The following LMBR1 variants were observed in gnomAD, a reference collection of about 807,000 sequenced individuals.
LMBR1 encodes the protein limb region 1 protein homolog.
Under a neutral mutation model 73.9 loss-of-function variants are expected in LMBR1, and 52 were observed. That is an observed-to-expected ratio of 0.70 (90% CI 0.56 to 0.89). The LOEUF (loss-of-function observed/expected upper bound fraction) is 0.89, where lower values mean the gene tolerates loss of function less well. LMBR1 is among the 40% of genes least tolerant of loss of function. The probability of loss-of-function intolerance (pLI) is 0.00; values close to 1 mark genes in which losing one functional copy is unlikely to be tolerated. For missense variants in LMBR1, 539 were observed against 579.8 expected, an observed-to-expected ratio of 0.93 and a Z score of 0.72; for synonymous variants, 215 against 209.4, an observed-to-expected ratio of 1.03 and a Z score of -0.23.
intron 9 of LMBR1, among the ~76,000 whole-genome samples, chr7:156,738,565 T>G (rs1054275328): frequency 2.0e-5 from 3 of 152,168 alleles, no homozygotes; most frequent in Non-Finnish European, 4.4e-5. Flanking sequence ...GGAAAGTGAC[T>G]CCTTCCTTCT....
intron 1 of LMBR1, among the ~76,000 whole-genome samples, chr7:156,867,471 C>G (rs1273219648): frequency 6.6e-6 from 1 of 152,174 alleles, no homozygotes; most frequent in East Asian, 1.9e-4. Flanking sequence ...ATGTTCACAG[C>G]AGCATTTTCA....
At chr7:156,890,779 T>C (rs764830808) in intron 1 of LMBR1, among the ~76,000 whole-genome samples, 8 of 152,232 alleles carry the variant, frequency 5.3e-5, no homozygotes, top group Admixed American at 1.3e-4. Context: ...CTTTGGAAAA[T>C]TGTTTTAAAG....
intron 8 of LMBR1, among the ~76,000 whole-genome samples, chr7:156,759,495 A>C (rs890335336): frequency 5.3e-5 from 8 of 152,234 alleles, no homozygotes; most frequent in African/African-American, 1.9e-4. Flanking sequence ...TAAAATAAGA[A>C]TACTACTATC....
chr7:156,820,737 C>T (rs1198674639), intron 4 of LMBR1, among the ~76,000 whole-genome samples: 1 of 152,152 alleles, frequency 6.6e-6, no homozygotes, highest in African/African-American at 2.4e-5. Flanking sequence ...GCGTGTGTTG[C>T]TCCAGCTGGT....
chr7:156,676,138 A>G, downstream of LMBR1: 1 of 957,644 alleles, frequency 1.0e-6, no homozygotes, highest in Non-Finnish European at 1.5e-6. Flanking sequence ...GTGACGGCAA[A>G]GGTCCCTTCA....
rs184211318 is a variant in LMBR1, at chr7:156,795,374, C to T, written c.423+1015G>A. On this transcript the variant is annotated intron_variant, in intron 5 of 16. Transcript: ENST00000353442. ...CTTGAAGGCCAGAGGCCCATCTTTTCATCTGTGTCCCCAGCAAGCTCCTAT... is the reference window on the plus strand; with the variant it reads ...CTTGAAGGCCAGAGGCCCATCTTTTTATCTGTGTCCCCAGCAAGCTCCTAT... 4.2e-4 allele frequency among the ~76,000 whole-genome samples: 64 copies of T among 152,328 alleles called. 1 individual carries two copies. The highest frequency in any genetic ancestry group is 4.6e-4 in the Admixed American group (7 of 15,294).
rs189697962 is a variant in LMBR1 at position 156,707,396 on chromosome 7, A to G, written c.1225+16716T>C. Among the ~76,000 whole-genome samples, 402 of 152,324 alleles carry G rather than the reference A, an allele frequency of 2.6e-3. 3 individuals are homozygous for G. The highest frequency in any genetic ancestry group is 9.2e-3 in the African/African-American group (381 of 41,570). ...TCCTAAGTCATTCTATGAGGCCCAA[A>G]TCACTCTGATACCCAAACAGACAAG... On this transcript the variant is annotated intron_variant, in intron 15 of 16. Transcript: ENST00000353442.
chr7:156,700,924 G>A (rs978721348), intron 15 of LMBR1, among the ~76,000 whole-genome samples: 3 of 152,188 alleles, frequency 2.0e-5, no homozygotes, highest in East Asian at 1.9e-4. Context: ...GGCTGGGGAG[G>A]CCTCACAATC....
intron 1 of LMBR1, among the ~76,000 whole-genome samples, chr7:156,855,666 C>CAAAAAAAAAAAA (rs35231167): frequency 3.4e-5 from 3 of 87,292 alleles, no homozygotes; most frequent in African/African-American, 4.5e-5. Flanking sequence ...AACGTAAATA[C>CAAAAAAAAAAAA]AAAAAAAAAA....
chr7:156,849,844 T>G (rs1042089317), intron 1 of LMBR1, among the ~76,000 whole-genome samples: 2 of 152,166 alleles, frequency 1.3e-5, no homozygotes, highest in African/African-American at 4.8e-5. Flanking sequence ...TAAGTCATGA[T>G]GTTCAACCCA....
chr7:156,816,751 T>G (rs1833977623), intron 4 of LMBR1, among the ~76,000 whole-genome samples: 2 of 152,170 alleles, frequency 1.3e-5, no homozygotes, highest in African/African-American at 4.8e-5. Flanking sequence ...TAAGTAGTAA[T>G]TACATTCTTG....
intron 1 of LMBR1, among the ~76,000 whole-genome samples, chr7:156,887,711 G>C (rs1246413560): frequency 6.6e-6 from 1 of 152,082 alleles, no homozygotes; most frequent in Non-Finnish European, 1.5e-5. Context: ...AAGGACACTA[G>C]CAATAGAGTA....
In LMBR1 at chr7:156,681,305, C is replaced by T. The variant is rs886062111; in HGVS notation, c.*2773G>A. 13 of 376,700 alleles carry T rather than the reference C, an allele frequency of 3.5e-5. No individual in the cohort carries two copies. The highest frequency in any genetic ancestry group is 1.5e-4 in the African/African-American group (7 of 46,256). The allele number at this position is 376,700 out of a possible 1,614,324, so 23.3% of individuals were successfully genotyped here. On this transcript the variant is annotated 3_prime_UTR_variant, in exon 17 of 17. Transcript: ENST00000353442. ...GCCTTTAACACATCTGAGAGCAAAACGCGAGAGGCTCCGTCCATCTCTACT... is the reference window on the plus strand; with the variant it reads ...GCCTTTAACACATCTGAGAGCAAAATGCGAGAGGCTCCGTCCATCTCTACT...
At chr7:156,826,923 A>G (rs1209856203) in intron 3 of LMBR1, among the ~76,000 whole-genome samples, 179 bp from the exon 4 acceptor site, 1 of 152,226 alleles carries the variant, frequency 6.6e-6, no homozygotes, top group East Asian at 1.9e-4. Context: ...GTTAAACTAG[A>G]TAAACTCTAA....
chr7:156,686,795 T>A (rs1179734633), intron 16 of LMBR1, among the ~76,000 whole-genome samples: 1 of 152,236 alleles, frequency 6.6e-6, no homozygotes, highest in East Asian at 1.9e-4. Flanking sequence ...TCTGAAACCA[T>A]GGCTAACTAA....
chr7:156,678,743 A>G lies in LMBR1; in HGVS notation c.*5335T>C, dbSNP rs971117650. On this transcript the variant is annotated 3_prime_UTR_variant, in exon 17 of 17. Transcript: ENST00000353442. The stretch of plus-strand genomic sequence containing the variant: ...GATGTGGCCATTCCTCCCTTATTTT[A>G]ACAGGTTGGAACCCACTTGTCTGAC... The G allele has an allele frequency of 6.6e-6, 1 of 152,080 alleles. No homozygotes were observed. Among genetic ancestry groups the G allele is most frequent in the African/African-American group, 2.4e-5 (1 of 41,412 alleles). The allele number at this position is 152,080 out of a possible 1,614,324, so 9.4% of individuals were successfully genotyped here. A position where few individuals can be genotyped will look rare whatever the true frequency, so the allele number is the denominator to read the frequency against.
intron 15 of LMBR1, among the ~76,000 whole-genome samples, chr7:156,696,306 A>C (rs143681956): frequency 1.0e-3 from 157 of 152,366 alleles, no homozygotes; most frequent in Non-Finnish European, 1.9e-3. Flanking sequence ...TTTACACGTC[A>C]TATATTTTGA....
chr7:156,765,713 T>C (rs921549538), intron 5 of LMBR1, among the ~76,000 whole-genome samples: 1 of 152,218 alleles, frequency 6.6e-6, no homozygotes, highest in Non-Finnish European at 1.5e-5. Context: ...TGCACGTTTA[T>C]GCAGATTTGT....
intron 15 of LMBR1, among the ~76,000 whole-genome samples, chr7:156,696,446 G>C (rs1808300767): frequency 1.3e-5 from 2 of 152,128 alleles, no homozygotes; most frequent in African/African-American, 4.8e-5. Flanking sequence ...CAGTGTATTG[G>C]TCCATTTTCA....
Sources: gnomAD v4.1 joint callset for allele counts (sites outside exome capture counted in the v4.1 genomes callset) on GRCh38, gnomAD v4.1.1 for gene constraint, MANE v1.5 for transcripts, NCBI Gene and HGNC (gene_info 2026-07-23, HGNC 2026-07-21) for gene names.